Variants in ROS1 observed in about 807,000 individuals in gnomAD.
ROS1 encodes ROS proto-oncogene 1, receptor tyrosine kinase, also known as proto-oncogene tyrosine-protein kinase ROS.
ROS1 carries 263 observed loss-of-function variants against 273.5 expected under a neutral mutation model. The ratio of observed to expected loss-of-function variants is 0.96; its 90% confidence interval spans 0.87 to 1.06. The LOEUF (loss-of-function observed/expected upper bound fraction) is 1.06, where lower values mean the gene tolerates loss of function less well. Ranked by LOEUF, ROS1 falls within the 50% of genes least tolerant of loss-of-function variation. The pLI is 0.00. For missense variants in ROS1, 2,833 were observed against 2,751.1 expected, an observed-to-expected ratio of 1.03 and a Z score of -0.67; for synonymous variants, 1,008 against 954.1, an observed-to-expected ratio of 1.06 and a Z score of -1.04.
rs1998206 is a variant in ROS1 at position 117,404,285 on chromosome 6, T to G, written c.460A>C (p.Thr154Pro). 243,880 of 1,613,166 alleles carry G rather than the reference T, an allele frequency of 0.15. 19,360 individuals carry two copies. Among genetic ancestry groups the G allele is most frequent in the South Asian group, 0.18 (16,706 of 91,004 alleles). The change falls in exon 6 of 44, where the codon ACT becomes CCT. Residue 154 changes from threonine (T) to proline (P), a missense_variant. Physicochemically the swap from Thr to Pro is conservative, Grantham distance 38. Coordinates refer to ENST00000368507, the MANE Select transcript of ROS1 (RefSeq NM_001378902.1). ...ACAAAGGCAGCCTTTCATACCTTAG[T>G]ATAAGTCCAGCTTCCCAGAAGTTGT... is the stretch of plus-strand genomic sequence containing the variant. ...YAQLLGSWTY[T>P]KTVSRPSYVV...
intron 3 of ROS1, 70 bp downstream of exon 3, chr6:117,416,188 G>C (rs150841278): frequency 8.5e-6 from 8 of 939,194 alleles, no homozygotes; most frequent in Non-Finnish European, 1.4e-5. Context: ...ATGCAAATGG[G>C]AATCCTCTTA....
chr6:117,296,840 AG>A (rs1774282531), intron 43 of ROS1, among the ~76,000 whole-genome samples: 1 of 152,310 alleles, frequency 6.6e-6, no homozygotes, highest in African/African-American at 2.4e-5. Context: ...TAAATGCTTG[AG>A]GGGTGGATAC....
At chr6:117,373,385 G>A (rs1012923556) in intron 18 of ROS1, among the ~76,000 whole-genome samples, 4 of 152,222 alleles carry the variant, frequency 2.6e-5, no homozygotes, top group Admixed American at 6.5e-5. Context: ...AGCCCACCAC[G>A]GGGGGACTTG....
chr6:117,360,920 CA>C (rs1276367198), intron 22 of ROS1, among the ~76,000 whole-genome samples: 1 of 152,000 alleles, frequency 6.6e-6, no homozygotes, highest in African/African-American at 2.4e-5. Flanking sequence ...CTAGAAGCTT[CA>C]AAAAACTAAA....
intron 4 of ROS1, among the ~76,000 whole-genome samples, chr6:117,414,161 T>A (rs1775154358): frequency 6.6e-6 from 1 of 152,166 alleles, no homozygotes; most frequent in Non-Finnish European, 1.5e-5. Flanking sequence ...GAGATATCTC[T>A]GAATGTGCCT....
rs56076986 is a variant in ROS1, at chr6:117,359,899, G to A, written c.3543C>T (p.Ala1181=). 768 of 1,613,638 alleles carry A rather than the reference G, an allele frequency of 4.8e-4. 3 individuals carry two copies. Among genetic ancestry groups the A allele is most frequent in the Non-Finnish European group, 1.1e-4 (125 of 1,179,714 alleles). Residue 1181 remains alanine, a synonymous_variant, in exon 24 of 44, where the codon GCC becomes GCT. Coordinates refer to ENST00000368507, the MANE Select transcript of ROS1 (RefSeq NM_001378902.1). ...WTFSAERVIS[A]VCYTADNEMG... ...TCTCATTATCAGCTGTGTAGCAAAC[G>A]GCACTGATAACTCTTTCTGCTGAAA... is the stretch of plus-strand genomic sequence containing the variant.
intron 31 of ROS1, among the ~76,000 whole-genome samples, chr6:117,338,315 T>C (rs892786627): frequency 3.9e-5 from 6 of 152,048 alleles, no homozygotes; most frequent in Non-Finnish European, 8.8e-5. Context: ...TCTATAGCAT[T>C]TTCAGTCAGT....
intron 13 of ROS1, among the ~76,000 whole-genome samples, chr6:117,388,747 C>T (rs971658444): frequency 6.6e-6 from 1 of 152,098 alleles, no homozygotes; most frequent in Admixed American, 6.5e-5. Flanking sequence ...GTGCTAGATA[C>T]TGTTCTAAGT....
intron 16 of ROS1, 87 bp downstream of exon 16, chr6:117,385,596 T>TA: frequency 5.2e-6 from 6 of 1,159,412 alleles, no homozygotes; most frequent in South Asian, 1.5e-5. Flanking sequence ...GCACAGGTAT[T>TA]TAAAAAAAAA....
chr6:117,366,370 ATGTT>A (rs1780245093), intron 18 of ROS1, 80 bp from the exon 19 acceptor site: 3 of 940,800 alleles, frequency 3.2e-6, no homozygotes, highest in Non-Finnish European at 5.2e-6. Flanking sequence ...ATGAGAATAT[ATGTT>A]TGTGAGTATC....
At chr6:117,379,251 T>C in intron 17 of ROS1, 92 bp from the exon 18 acceptor site, 2 of 707,268 alleles carry the variant, frequency 2.8e-6, no homozygotes, top group Non-Finnish European at 2.4e-6. Flanking sequence ...GATTTCTCTT[T>C]AACATCCTCT....
At chr6:117,420,242 G>A (rs752281143) in intron 1 of ROS1, among the ~76,000 whole-genome samples, 6 of 151,756 alleles carry the variant, frequency 4.0e-5, no homozygotes, top group Non-Finnish European at 8.8e-5. Flanking sequence ...TTTTCATTTT[G>A]AACATTAGGA....
chr6:117,397,082 C>T lies in ROS1; in HGVS notation c.639G>A (p.Glu213=). 6.2e-7 allele frequency: 1 copy of T among 1,613,494 alleles called. No homozygotes were observed. Among genetic ancestry groups the T allele is most frequent in the Non-Finnish European group, 8.5e-7 (1 of 1,179,622 alleles). ...CTTCCACAGTGTCGGGACTTGAGCT[C>T]TCAATATTCCTAATCAAAGGTGCAG... ...PETAPLIRNI[E]SSSPDTVEVS... is the part of the protein sequence containing the mutation. The change falls in exon 8 of 44, where the codon GAG becomes GAA. Residue 213 remains glutamate (E), a synonymous_variant. Coordinates refer to ENST00000368507, the MANE Select transcript of ROS1 (RefSeq NM_001378902.1).
chr6:117,405,385 A>G (rs1220078152), intron 5 of ROS1, among the ~76,000 whole-genome samples: 1 of 152,206 alleles, frequency 6.6e-6, no homozygotes, highest in Non-Finnish European at 1.5e-5. Flanking sequence ...TCTTCTTTTT[A>G]TAGTCCATTT....
intron 42 of ROS1, among the ~76,000 whole-genome samples, chr6:117,303,155 A>G (rs1409094585): frequency 6.6e-6 from 1 of 152,198 alleles, no homozygotes; most frequent in Non-Finnish European, 1.5e-5. Flanking sequence ...GACTTATTAT[A>G]AACAAGTACT....
chr6:117,304,348 A>G (rs1400320243), intron 42 of ROS1, among the ~76,000 whole-genome samples: 3 of 152,230 alleles, frequency 2.0e-5, no homozygotes, highest in East Asian at 1.9e-4. Flanking sequence ...TTGTCCTCAG[A>G]GTTGAGAGGA....
intron 31 of ROS1, among the ~76,000 whole-genome samples, chr6:117,338,337 T>C (rs1777628910): frequency 6.6e-6 from 1 of 152,046 alleles, no homozygotes; most frequent in Non-Finnish European, 1.5e-5. Context: ...GACCACTATG[T>C]ACAGTAAGAA....
chr6:117,343,968 G>A lies in ROS1; in HGVS notation c.4506+92C>T, dbSNP rs575445098. ...AAAAGTTGCGTACTAGTCCATTTCA[G>A]AACATATAGGAAATACTTTACTATG... On this transcript the variant is annotated intron_variant, in intron 28 of 43. Coordinates refer to ENST00000368507, the MANE Select transcript of ROS1 (RefSeq NM_001378902.1). 31 of 1,091,124 alleles carry A rather than the reference G, an allele frequency of 2.8e-5. No homozygotes were observed. The Admixed American group carries it at 5.2e-4, about 18-fold the overall frequency. 67.6% of individuals were successfully genotyped at this position (1,091,124 alleles called of 1,614,324 possible).
intron 43 of ROS1, among the ~76,000 whole-genome samples, chr6:117,290,256 T>C (rs1470607204): frequency 2.0e-5 from 3 of 152,164 alleles, no homozygotes; most frequent in Admixed American, 2.0e-4. Context: ...TTTTTGCAAA[T>C]TCTGTTGTTA....
Sources: gnomAD v4.1 joint callset for allele counts (sites outside exome capture counted in the v4.1 genomes callset) on GRCh38, gnomAD v4.1.1 for gene constraint, MANE v1.5 for transcripts, NCBI Gene and HGNC (gene_info 2026-07-23, HGNC 2026-07-21) for gene names.